Variants in TNPO1 observed in about 807,000 individuals in gnomAD.
TNPO1 encodes transportin 1, also known as transportin-1.
TNPO1 carries 8 observed loss-of-function variants against 119.5 expected under a neutral mutation model. The observed-to-expected ratio is 0.07, with a 90% CI of 0.04 to 0.12. The LOEUF is 0.12. TNPO1 is among the 10% of genes least tolerant of loss of function. TNPO1 has a pLI of 1.00. For missense variants in TNPO1, 576 were observed against 1,089.8 expected, an observed-to-expected ratio of 0.53 and a Z score of 6.64; for synonymous variants, 362 against 363.0, an observed-to-expected ratio of 1.00 and a Z score of 0.03.
chr5:72,860,299 A>C (rs554153380), intron 4 of TNPO1, among the ~76,000 whole-genome samples: 212 of 152,172 alleles, frequency 1.4e-3, no homozygotes, highest in Admixed American at 3.4e-3. Context: ...ATTTTTGTAC[A>C]CTCATATTTT....
At chr5:72,869,063 G>T (rs1247021249) in intron 6 of TNPO1, among the ~76,000 whole-genome samples, 1 of 152,082 alleles carries the variant, frequency 6.6e-6, no homozygotes, top group Non-Finnish European at 1.5e-5. Context: ...AGCAAGGAAA[G>T]AGTTGTACAA....
rs564019559 is a variant in TNPO1, at chr5:72,910,289, C to G, written c.*1616C>G. 8 of 152,744 alleles carry G rather than the reference C, an allele frequency of 5.2e-5. No individual in the cohort carries two copies. The South Asian group carries it at 1.7e-3, about 32-fold the overall frequency. The allele number at this position is 152,744 out of a possible 1,614,324, so 9.5% of individuals were successfully genotyped here. On this transcript the variant is annotated 3_prime_UTR_variant, in exon 25 of 25. Transcript: ENST00000337273. ...CTTTTCTGTTATTTTTCTCTACTTA[C>G]ATGTATTCCTGTGAATAAATCCTTG...
chr5:72,832,505 C>T (rs1744518212), intron 1 of TNPO1, among the ~76,000 whole-genome samples: 2 of 152,168 alleles, frequency 1.3e-5, no homozygotes, highest in South Asian at 4.1e-4. Flanking sequence ...TATTCATCTG[C>T]TATATTTGTC....
intron 20 of TNPO1, 23 bp downstream of exon 20, chr5:72,897,174 C>T (rs781039856): frequency 4.6e-6 from 7 of 1,535,664 alleles, no homozygotes; most frequent in South Asian, 1.2e-5. Flanking sequence ...TGAACTGTTT[C>T]AGTGAAGAGA....
At chr5:72,894,316 G>T (rs1380598738) in intron 18 of TNPO1, among the ~76,000 whole-genome samples, 1 of 152,094 alleles carries the variant, frequency 6.6e-6, no homozygotes, top group African/African-American at 2.4e-5. Context: ...AAACCTATGG[G>T]TTATAAATGA....
At chr5:72,903,820 C>T in intron 23 of TNPO1, 37 bp downstream of exon 23, 1 of 1,330,438 alleles carries the variant, frequency 7.5e-7, no homozygotes, top group South Asian at 1.3e-5. Flanking sequence ...CATCTTGAGA[C>T]TGTTAATATC....
chr5:72,847,515 T>C (rs1160311742), intron 1 of TNPO1, among the ~76,000 whole-genome samples: 2 of 152,232 alleles, frequency 1.3e-5, no homozygotes, highest in South Asian at 2.1e-4. Flanking sequence ...CCTCACTAGG[T>C]TGTAATGAAA....
chr5:72,856,223 ATTAGAGTTCTGT>A (rs1745985149), intron 4 of TNPO1, among the ~76,000 whole-genome samples: 1 of 152,012 alleles, frequency 6.6e-6, no homozygotes. Context: ...GAGCATGCAG[ATTAGAGTTCTGT>A]TTGTTTTTTT....
intron 5 of TNPO1, among the ~76,000 whole-genome samples, chr5:72,863,713 AT>A (rs1192094042): frequency 1.4e-5 from 2 of 148,046 alleles, no homozygotes; most frequent in Admixed American, 1.4e-4. Context: ...GTGGACTGAG[AT>A]TGCACCACTG....
chr5:72,859,713 T>C (rs1237407829), intron 4 of TNPO1, among the ~76,000 whole-genome samples: 1 of 152,224 alleles, frequency 6.6e-6, no homozygotes, highest in Non-Finnish European at 1.5e-5. Flanking sequence ...CTCTTGTGTA[T>C]GTTTGTACAA....
chr5:72,900,355 T>G (rs1749718491), intron 21 of TNPO1, among the ~76,000 whole-genome samples: 1 of 152,224 alleles, frequency 6.6e-6, no homozygotes, highest in South Asian at 2.1e-4. Context: ...ATAAAAAGCA[T>G]TTAAATATCC....
intron 1 of TNPO1, among the ~76,000 whole-genome samples, chr5:72,819,883 C>T (rs1440914026): frequency 6.6e-6 from 1 of 152,186 alleles, no homozygotes; most frequent in Non-Finnish European, 1.5e-5. Context: ...GCTCTTAAAA[C>T]TGGGCCTGAC....
At chr5:72,846,270 CAGG>C (rs1451122860) in intron 1 of TNPO1, among the ~76,000 whole-genome samples, 1 of 152,120 alleles carries the variant, frequency 6.6e-6, no homozygotes, top group Non-Finnish European at 1.5e-5. Context: ...GGAAGCCAAT[CAGG>C]AGATGGTTGA....
chr5:72,890,767 T>C (rs1371464830), intron 14 of TNPO1, among the ~76,000 whole-genome samples: 1 of 152,180 alleles, frequency 6.6e-6, no homozygotes, highest in Non-Finnish European at 1.5e-5. Context: ...TTTGTTTTTC[T>C]ACAAAAGCAT....
chr5:72,850,677 G>A (rs1745477117), intron 2 of TNPO1, among the ~76,000 whole-genome samples: 1 of 152,138 alleles, frequency 6.6e-6, no homozygotes, highest in South Asian at 2.1e-4. Context: ...TGGGGATGAG[G>A]GGAAGAATTG....
At chr5:72,892,154 AGGATATATATACCG>A (rs1414119216) in intron 15 of TNPO1, among the ~76,000 whole-genome samples, 2 of 152,032 alleles carry the variant, frequency 1.3e-5, no homozygotes, top group African/African-American at 4.8e-5. Context: ...ACATACTGGG[AGGATATATATACCG>A]GGATATATAT....
chr5:72,840,321 C>G, intron 1 of TNPO1, among the ~76,000 whole-genome samples: 1 of 151,950 alleles, frequency 6.6e-6, no homozygotes, highest in East Asian at 1.9e-4. Context: ...TAAGCCTGTT[C>G]CTCTTCTGTA....
At position 72,912,035 on chromosome 5, in the gene TNPO1, T is replaced by G. The variant is rs182469686; in HGVS notation, c.*3362T>G. 6.6e-6 allele frequency: 1 copy of G among 152,536 alleles called. No individual in the cohort carries two copies. Among genetic ancestry groups the G allele is most frequent in the Non-Finnish European group, 1.5e-5 (1 of 67,956 alleles). The allele number at this position is 152,536 out of a possible 1,614,324, so 9.4% of individuals were successfully genotyped here. A position where few individuals can be genotyped will look rare whatever the true frequency, so the allele number is the denominator to read the frequency against. On this transcript the variant is annotated 3_prime_UTR_variant, in exon 25 of 25. Transcript: ENST00000337273. Reference sequence around the variant, plus strand: ...TTATTCAGGAAAGAATTTTGCTTTTTGTATTGTCTAATCTCTTCAATGACT... The same window carrying G: ...TTATTCAGGAAAGAATTTTGCTTTTGGTATTGTCTAATCTCTTCAATGACT...
chr5:72,871,268 C>T (rs12514597), intron 6 of TNPO1, among the ~76,000 whole-genome samples: 5 of 152,070 alleles, frequency 3.3e-5, no homozygotes, highest in African/African-American at 1.2e-4. Flanking sequence ...TGAGTCACTG[C>T]GCCCAGCCAG....
Sources: gnomAD v4.1 joint callset for allele counts (sites outside exome capture counted in the v4.1 genomes callset) on GRCh38, gnomAD v4.1.1 for gene constraint, MANE v1.5 for transcripts, NCBI Gene and HGNC (gene_info 2026-07-23, HGNC 2026-07-21) for gene names.